Variants in MYO10 observed in about 807,000 individuals in gnomAD.
MYO10 encodes the protein myosin X, also known as unconventional myosin-X.
In MYO10, 133 loss-of-function variants were observed where a neutral mutation model predicts 257.3. The ratio of observed to expected loss-of-function variants is 0.52; its 90% CI spans 0.45 to 0.60. MYO10 has a LOEUF of 0.60. Ranked by LOEUF, MYO10 falls within the 20% of genes least tolerant of loss-of-function variation. The pLI, the probability that MYO10 is intolerant of heterozygous loss-of-function variation, is 0.00. For synonymous variants in MYO10, 1,104 were observed against 1,028.6 expected, an observed-to-expected ratio of 1.07 and a Z score of -1.40; for missense variants, 2,399 against 2,635.7, an observed-to-expected ratio of 0.91 and a Z score of 1.97.
chr5:16,804,770 C>G (rs1225918153), intron 3 of MYO10, among the ~76,000 whole-genome samples: 1 of 151,928 alleles, frequency 6.6e-6, no homozygotes, highest in Non-Finnish European at 1.5e-5. Context: ...CGAAAATTAG[C>G]TGGGTGTGGT....
At position 16,833,482 on chromosome 5, in the gene MYO10, G is replaced by A. The variant is rs976210409; in HGVS notation, c.121-15315C>T. 3.3e-5 allele frequency among the ~76,000 whole-genome samples: 5 copies of A among 152,238 alleles called. No homozygotes were observed. The East Asian group carries it at 7.7e-4, about 24-fold the overall frequency. ...CCACCTCAGCCTCCCAAAGTGCTGG[G>A]ATTATAGGTGTGAGCCACTGTGCCC... On this transcript the variant is annotated intron_variant, in intron 2 of 40. Coordinates refer to ENST00000513610, the MANE Select transcript of MYO10 (RefSeq NM_012334.3).
chr5:16,725,229 G>C (rs1490696411), intron 19 of MYO10, among the ~76,000 whole-genome samples: 1 of 151,770 alleles, frequency 6.6e-6, no homozygotes, highest in Non-Finnish European at 1.5e-5. Context: ...TAGGATTACA[G>C]ACATGCATCA....
rs141788024 is a variant in MYO10 at position 16,822,544 on chromosome 5, G to T, written c.121-4377C>A. ...TAATTACATCAGGTATTCAGGGGCA[G>T]CCTGATGGATTAATATTAAAGGAGA... is the stretch of plus-strand genomic sequence containing the variant. On this transcript the variant is annotated intron_variant, in intron 2 of 40. Transcript: ENST00000513610. Among the ~76,000 whole-genome samples the T allele has an allele frequency of 4.9e-3, 745 of 152,274 alleles. 4 individuals carry two copies. The highest frequency in any genetic ancestry group is 0.017 in the African/African-American group (707 of 41,562).
rs578186582 is a variant in MYO10, at chr5:16,846,718, G to A, written c.121-28551C>T. On this transcript the variant is annotated intron_variant, in intron 2 of 40. Transcript: ENST00000513610. ...ACAAGTGTTAAGTATTTACAACATCGGACACATCCCTAAGCAGGCTCATAC... is the reference window on the plus strand; with the variant it reads ...ACAAGTGTTAAGTATTTACAACATCAGACACATCCCTAAGCAGGCTCATAC... Among the ~76,000 whole-genome samples, 219 of 152,248 alleles carry A rather than the reference G, an allele frequency of 1.4e-3. 1 individual carries two copies. The highest frequency in any genetic ancestry group is 5.2e-3 in the African/African-American group (214 of 41,538).
At chr5:16,900,744 G>GTTGTTTTTTTTTTTT (rs1554007452) in intron 1 of MYO10, among the ~76,000 whole-genome samples, 1 of 132,752 alleles carries the variant, frequency 7.5e-6, no homozygotes, top group East Asian at 2.3e-4. Context: ...CCTAAATCTT[G>GTTGTTTTTTTTTTTT]TTTTTTTTTT....
At chr5:16,707,878 T>C (rs1038205865) in intron 21 of MYO10, among the ~76,000 whole-genome samples, 52 of 152,348 alleles carry the variant, frequency 3.4e-4, no homozygotes, top group African/African-American at 1.2e-3. Context: ...AGTCAGCCAG[T>C]TCAGACCTGG....
At chr5:16,711,054 T>C (rs1382098216) in intron 20 of MYO10, 32 bp from the exon 21 acceptor site, 1 of 1,613,350 alleles carries the variant, frequency 6.2e-7, no homozygotes, top group Non-Finnish European at 8.5e-7. Context: ...GGTCACCTTC[T>C]GCGATGGTTC....
chr5:16,898,746 C>A (rs949577544), intron 1 of MYO10, among the ~76,000 whole-genome samples: 2 of 151,900 alleles, frequency 1.3e-5, no homozygotes, highest in African/African-American at 2.4e-5. Context: ...ATGTTCCCTG[C>A]ACATCTCAAC....
intron 21 of MYO10, chr5:16,710,696 T>C (rs916438415): frequency 2.6e-5 from 15 of 580,550 alleles, no homozygotes; most frequent in Admixed American, 6.0e-5. Flanking sequence ...TGTTCTCTAA[T>C]GAAACAGAGT....
intron 3 of MYO10, among the ~76,000 whole-genome samples, chr5:16,811,846 A>G (rs994951787): frequency 5.9e-5 from 9 of 152,258 alleles, no homozygotes; most frequent in Admixed American, 2.6e-4. Flanking sequence ...CCACCATGCC[A>G]GGCTTTCTAC....
rs542602340 is a variant in MYO10 at position 16,762,162 on chromosome 5, C to T, written c.1588-49G>A. ...AAAAAAAATACAATGCCTTATTTCACTCACTGATTTCCTTTGACTTCCAGA... is the reference window on the plus strand; with the variant it reads ...AAAAAAAATACAATGCCTTATTTCATTCACTGATTTCCTTTGACTTCCAGA... On this transcript the variant is annotated intron_variant, in intron 15 of 40. Transcript: ENST00000513610. 56 of 1,337,824 alleles carry T rather than the reference C, an allele frequency of 4.2e-5. No individual in the cohort carries two copies. In the East Asian group the frequency reaches 1.5e-3, roughly 36 times the overall value. 82.9% of individuals were successfully genotyped at this position (1,337,824 alleles called of 1,614,324 possible).
At chr5:16,791,567 C>CACACACAT (rs1553996604) in intron 4 of MYO10, among the ~76,000 whole-genome samples, 2 of 150,626 alleles carry the variant, frequency 1.3e-5, no homozygotes, top group African/African-American at 5.0e-5. Flanking sequence ...CACACATACA[C>CACACACAT]ATATGCACAA....
chr5:16,916,289 C>T (rs1053334284), intron 1 of MYO10: 4 of 369,098 alleles, frequency 1.1e-5, no homozygotes, highest in Non-Finnish European at 1.6e-5. Flanking sequence ...ATATCCCATT[C>T]GGAGTTCTGA....
chr5:16,757,938 T>C (rs1475208693), intron 18 of MYO10, among the ~76,000 whole-genome samples, 180 bp downstream of exon 18: 1 of 152,260 alleles, frequency 6.6e-6, no homozygotes, highest in African/African-American at 2.4e-5. Flanking sequence ...GTGCTGAGAA[T>C]ACAGGCGTGA....
chr5:16,669,142 GAA>G (rs1305424069), intron 39 of MYO10, among the ~76,000 whole-genome samples: 2 of 152,152 alleles, frequency 1.3e-5, no homozygotes, highest in Non-Finnish European at 1.5e-5. Context: ...TGGAGACGCT[GAA>G]AAGAGTCTCT....
chr5:16,921,276 T>G (rs1745973483), intron 1 of MYO10, among the ~76,000 whole-genome samples: 1 of 152,124 alleles, frequency 6.6e-6, no homozygotes, highest in Non-Finnish European at 1.5e-5. Flanking sequence ...TTTTTCCTAG[T>G]GGAGAACAAC....
chr5:16,756,650 C>T (rs1740536595), intron 18 of MYO10, among the ~76,000 whole-genome samples: 1 of 152,176 alleles, frequency 6.6e-6, no homozygotes, highest in Non-Finnish European at 1.5e-5. Flanking sequence ...ACGAGGTGTC[C>T]TGTCCGGCTG....
rs1744644545 is a variant in MYO10, at chr5:16,877,649, C to A, written c.80G>T (p.Cys27Phe). The A allele has an allele frequency of 2.5e-6, 4 of 1,613,824 alleles. No individual in the cohort carries two copies. Among genetic ancestry groups the A allele is most frequent in the Non-Finnish European group, 3.4e-6 (4 of 1,179,858 alleles). The change falls in exon 2 of 41, where the codon TGT becomes TTT. Residue 27 changes from cysteine (C) to phenylalanine (F), a missense_variant. Cys to Phe is a radical substitution (Grantham distance 205, BLOSUM62 -2). This residue lies in a region of MYO10 where 242 missense variants were observed against 249.5 expected (regional missense o/e 0.97). Transcript: ENST00000513610. Reference sequence around the variant, plus strand: ...CCGGAAGACGACGATGCCTTCTGCACAGGAATTTACAGTACTTGGAAAATG... The same window carrying A: ...CCGGAAGACGACGATGCCTTCTGCAAAGGAATTTACAGTACTTGGAAAATG... ...GQHFPSTVNS[C>F]AEGIVVFRTD...
rs897049492 is a variant in MYO10, at chr5:16,723,174, G to A, written c.1930-11929C>T. On this transcript the variant is annotated intron_variant, in intron 19 of 40. Coordinates refer to ENST00000513610, the MANE Select transcript of MYO10 (RefSeq NM_012334.3). ...GGCGGATCACGAGGTCATGAGGTCA[G>A]GAGATCGAGACCATCCTGGCTAACA... Among the ~76,000 whole-genome samples, 6 of 147,854 alleles carry A rather than the reference G, an allele frequency of 4.1e-5. No homozygotes were observed. The South Asian group carries it at 6.3e-4, about 15-fold the overall frequency.
Sources: gnomAD v4.1 joint callset for allele counts (sites outside exome capture counted in the v4.1 genomes callset) on GRCh38, gnomAD v4.1.1 for gene constraint, gnomAD v4.1.1 regional missense constraint, MANE v1.5 for transcripts, NCBI Gene and HGNC (gene_info 2026-07-23, HGNC 2026-07-21) for gene names.